The following ZNF599 variants were observed in gnomAD, a reference collection of about 807,000 sequenced individuals.
The protein encoded by ZNF599 is zinc finger protein 599.
In ZNF599, 10 loss-of-function variants were observed where a neutral mutation model predicts 11.7. The observed-to-expected ratio is 0.86, with a 90% CI of 0.53 to 1.45. The LOEUF is 1.45. Ranked by LOEUF, ZNF599 falls within the 40% of genes most tolerant of loss-of-function variation. ZNF599 has a pLI of 0.00. For synonymous variants in ZNF599, 232 were observed against 253.2 expected (o/e 0.92, Z 0.79); for missense variants, 688 against 713.6 (o/e 0.96, Z 0.41).
rs1426451148 is a variant in ZNF599 at position 34,760,284 on chromosome 19, T to C, written c.517A>G (p.Thr173Ala). 6.2e-7 allele frequency: 1 copy of C among 1,614,146 alleles called. No homozygotes were observed. The highest frequency in any genetic ancestry group is 2.2e-5 in the East Asian group (1 of 44,878). ...CACTCATGGAGAGCATCTTGTGGAG[T>C]GACTCGTTCCTGTAAAACCCTTAAG... ...LGLRVLQERV[T>A]PQDALHECDS... Residue 173 changes from threonine to alanine, a missense_variant, in exon 4 of 4, where the codon ACT becomes GCT. Coordinates refer to ENST00000329285, the MANE Select transcript of ZNF599 (RefSeq NM_001007248.3).
rs908083749 is a variant in ZNF599 at position 34,773,057 on chromosome 19, G to A, written c.-216C>T. 12 of 551,610 alleles carry A rather than the reference G, an allele frequency of 2.2e-5. No homozygotes were observed. Among genetic ancestry groups the A allele is most frequent in the Admixed American group, 1.9e-4 (5 of 26,802 alleles). 34.2% of individuals were successfully genotyped at this position (551,610 alleles called of 1,614,324 possible). ...GGGTTTTGCAGACGCTTGTGGGGGTGGGATCGCGGCTGACATAAAAGCGTG... is the reference window on the plus strand; with the variant it reads ...GGGTTTTGCAGACGCTTGTGGGGGTAGGATCGCGGCTGACATAAAAGCGTG... On this transcript the variant is annotated 5_prime_UTR_variant, in exon 1 of 4. Transcript: ENST00000329285.
At chr19:34,764,916 AAAAT>A (rs1474584469) in intron 3 of ZNF599, 10 of 152,202 alleles carry the variant, frequency 6.6e-5, no homozygotes, top group African/African-American at 1.9e-4. Context: ...AATAAGGGAA[AAAAT>A]AAATAAAGGA....
At position 34,772,999 on chromosome 19, in the gene ZNF599, G is replaced by A. The variant is rs2069195290; in HGVS notation, c.-158C>T. 3 of 864,010 alleles carry A rather than the reference G, an allele frequency of 3.5e-6. No homozygotes were observed. Among genetic ancestry groups the A allele is most frequent in the African/African-American group, 3.6e-5 (2 of 55,232 alleles). The allele number at this position is 864,010 out of a possible 1,614,324, so 53.5% of individuals were successfully genotyped here. On this transcript the variant is annotated 5_prime_UTR_variant, in exon 1 of 4. Transcript: ENST00000329285. ...TCGCGGCGCCGCCTCTGCGCGCCGT[G>A]AGGACACAGGGCTGTCGCCAAGGCC...
At chr19:34,775,475 A>G (rs184001969), upstream of ZNF599, among the ~76,000 whole-genome samples, 250 of 152,322 alleles carry the variant, frequency 1.6e-3, no homozygotes, top group African/African-American at 5.7e-3. Context: ...TAGATTAGTG[A>G]TTGCTTAGGG....
chr19:34,770,715 C>G (rs1464768059), intron 1 of ZNF599, among the ~76,000 whole-genome samples: 1 of 152,224 alleles, frequency 6.6e-6, no homozygotes, highest in Non-Finnish European at 1.5e-5. Context: ...AGCACCACGT[C>G]TGTCCTGGGT....
chr19:34,767,393 G>A lies in ZNF599; in HGVS notation c.164C>T (p.Pro55Leu). ...ATGTTCCAGTAGATAGATCAGCTCT[G>A]GTTTGGGAACAGGATGCCCTGTGCA... ...LVSLGHPVPK[P>L]ELIYLLEHGQ... Residue 55 changes from proline (P) to leucine (L), a missense_variant, in exon 3 of 4, where the codon CCA becomes CTA. Coordinates refer to ENST00000329285, the MANE Select transcript of ZNF599 (RefSeq NM_001007248.3). The A allele has an allele frequency of 6.2e-7, 1 of 1,614,078 alleles. No homozygotes were observed. The highest frequency in any genetic ancestry group is 8.5e-7 in the Non-Finnish European group (1 of 1,179,958).
intron 1 of ZNF599, chr19:34,772,597 G>C: frequency 7.4e-7 from 1 of 1,352,178 alleles, no homozygotes; most frequent in Middle Eastern, 2.2e-4. Flanking sequence ...ACAGCTCCAG[G>C]TTAGAGCCAG....
At position 34,760,550 on chromosome 19, in the gene ZNF599, G is replaced by T. The variant is rs1426654963; in HGVS notation, c.251C>A (p.Ala84Glu). ...AGTAGGCTCTGTAATCTTGGGTTTTGCTTTTTCACCTGAAGGAAATCCAAT... is the reference window on the plus strand; with the variant it reads ...AGTAGGCTCTGTAATCTTGGGTTTTTCTTTTTCACCTGAAGGAAATCCAAT... ...LSQSTCAGEK[A>E]KPKITEPTAS... Residue 84 changes from alanine to glutamate, a missense_variant, in exon 4 of 4, where the codon GCA (alanine) becomes GAA (glutamate). Ala to Glu is a moderately radical substitution (Grantham distance 107). Coordinates refer to ENST00000329285, the MANE Select transcript of ZNF599 (RefSeq NM_001007248.3). 1.9e-6 allele frequency: 3 copies of T among 1,594,928 alleles called. No homozygotes were observed. Among genetic ancestry groups the T allele is most frequent in the Admixed American group, 1.8e-5 (1 of 55,564 alleles).
chr19:34,799,872 A>G, the ZNF599 span, among the ~76,000 whole-genome samples: 2 of 152,246 alleles, frequency 1.3e-5, no homozygotes, highest in African/African-American at 4.8e-5. Context: ...TTCAGTTGGT[A>G]ACAATGGCTA....
chr19:34,807,586 C>T, the ZNF599 span, among the ~76,000 whole-genome samples: 213 of 152,306 alleles, frequency 1.4e-3, no homozygotes, highest in African/African-American at 4.7e-3. Flanking sequence ...CCAAAATGAC[C>T]GCCACAAAGT....
the ZNF599 span, among the ~76,000 whole-genome samples, chr19:34,794,409 T>C: frequency 3.9e-5 from 6 of 152,116 alleles, no homozygotes; most frequent in Non-Finnish European, 8.8e-5. Context: ...GAGGGCAACA[T>C]CTTGGTTTTA....
Position 34,759,727 on chromosome 19 carries a change from A to G in ZNF599, c.1074T>C (p.Asn358=), listed in dbSNP as rs1189030614. 10 of 1,613,922 alleles carry G rather than the reference A, an allele frequency of 6.2e-6. No individual in the cohort carries two copies. The highest frequency in any genetic ancestry group is 8.5e-6 in the Non-Finnish European group (10 of 1,179,980). ...FTHRSTFIQH[N]VTHTGEKPFL... ...ATGGTTTTTCTCCTGTGTGGGTCAC[A>G]TTGTGCTGGATAAATGTGGAGCGGT... Residue 358 remains asparagine, a synonymous_variant, in exon 4 of 4, where the codon AAT becomes AAC. Transcript: ENST00000329285.
intron 1 of ZNF599, among the ~76,000 whole-genome samples, chr19:34,770,031 C>T (rs1206004263): frequency 6.6e-6 from 1 of 152,188 alleles, no homozygotes; most frequent in Non-Finnish European, 1.5e-5. Context: ...GGAGAAGTCT[C>T]TTAATTTCTT....
intron 1 of ZNF599, among the ~76,000 whole-genome samples, chr19:34,770,260 G>A (rs1257462874): frequency 6.6e-6 from 1 of 152,226 alleles, no homozygotes; most frequent in Admixed American, 6.5e-5. Flanking sequence ...ACTCAGAGTT[G>A]TATGTCTAAT....
At chr19:34,804,443 T>G in the ZNF599 span, among the ~76,000 whole-genome samples, 1 of 152,252 alleles carries the variant, frequency 6.6e-6, no homozygotes. Context: ...ATAGATCCAG[T>G]CCTCGGCCCT....
chr19:34,794,316 CA>C, the ZNF599 span, among the ~76,000 whole-genome samples: 1 of 152,092 alleles, frequency 6.6e-6, no homozygotes, highest in Non-Finnish European at 1.5e-5. Flanking sequence ...CTGGGAGTTG[CA>C]TGGCATTTGT....
intron 3 of ZNF599, chr19:34,765,175 T>G (rs575322795): frequency 6.1e-6 from 1 of 164,944 alleles, no homozygotes; most frequent in Non-Finnish European, 1.3e-5. Context: ...AGCTGAGAGA[T>G]TCACGTATGG....
chr19:34,779,506 C>A, the ZNF599 span: 1 of 456,600 alleles, frequency 2.2e-6, no homozygotes. Context: ...ATTTGCTGTA[C>A]TCATAAGGTT....
chr19:34,793,665 G>A, the ZNF599 span, among the ~76,000 whole-genome samples: 7 of 152,198 alleles, frequency 4.6e-5, no homozygotes, highest in Non-Finnish European at 1.0e-4. Flanking sequence ...AGGGTTCTTG[G>A]TTTTGTGCTG....
Sources: allele counts gnomAD v4.1 joint callset (sites outside exome capture counted in the v4.1 genomes callset), GRCh38; gene constraint gnomAD v4.1.1; transcripts MANE v1.5; gene names NCBI Gene and HGNC (gene_info 2026-07-23, HGNC 2026-07-21).